The following SENP1 variants were observed in gnomAD, a reference collection of about 807,000 sequenced individuals.
The protein encoded by SENP1 is SUMO specific peptidase 1.
A neutral mutation model predicts 93.0 loss-of-function variants in SENP1; 21 were observed. The ratio of observed to expected loss-of-function variants is 0.23; its 90% CI spans 0.16 to 0.33. The LOEUF (loss-of-function observed/expected upper bound fraction) is 0.33, where lower values mean the gene tolerates loss of function less well. Ranked by LOEUF, SENP1 falls within the 10% of genes least tolerant of loss-of-function variation. The probability of loss-of-function intolerance (pLI) is 1.00; values close to 1 mark genes in which losing one functional copy is unlikely to be tolerated. For missense variants in SENP1, 591 were observed against 758.7 expected (o/e 0.78, Z 2.60); for synonymous variants, 256 against 259.6 (o/e 0.99, Z 0.13).
intron 13 of SENP1, among the ~76,000 whole-genome samples, chr12:48,051,922 G>A (rs776572542): frequency 1.3e-5 from 2 of 152,178 alleles, no homozygotes; most frequent in African/African-American, 2.4e-5. Context: ...GTCAACATTA[G>A]TCCACCTGTC....
At chr12:48,084,070 A>G (rs1490753638) in intron 5 of SENP1, among the ~76,000 whole-genome samples, 1 of 152,246 alleles carries the variant, frequency 6.6e-6, no homozygotes, top group Non-Finnish European at 1.5e-5. Flanking sequence ...AAAGCATAAC[A>G]GATTAGATGT....
intron 1 of SENP1, among the ~76,000 whole-genome samples, chr12:48,104,405 G>A (rs1946292888): frequency 6.6e-6 from 1 of 151,924 alleles, no homozygotes; most frequent in South Asian, 2.1e-4. Context: ...TCCAAGTTCT[G>A]AAAAACAATT....
chr12:48,065,242 T>TA, intron 11 of SENP1, 22 bp from the exon 12 acceptor site: 1 of 1,538,080 alleles, frequency 6.5e-7, no homozygotes, highest in Non-Finnish European at 8.8e-7. Context: ...AACTTCAGAG[T>TA]AAGTGGGATA....
At position 48,057,113 on chromosome 12, in the gene SENP1, T is replaced by TA. The variant is rs1004591282; in HGVS notation, c.1407+6596dup. Among the ~76,000 whole-genome samples the TA allele has an allele frequency of 1.6e-4, 15 of 94,010 alleles. 1 individual carries two copies. Among genetic ancestry groups the TA allele is most frequent in the Non-Finnish European group, 7.3e-5 (4 of 54,998 alleles). 61.7% of individuals were successfully genotyped at this position (94,010 alleles called of 152,430 possible). Reference sequence around the variant, plus strand: ...ACATATATAAATATATTATTTAATATATTATATATTACATATATAAATATA... The same window carrying TA: ...ACATATATAAATATATTATTTAATATAATTATATATTACATATATAAATATA... On this transcript the variant is annotated intron_variant, in intron 13 of 17. Coordinates refer to ENST00000549518, the MANE Select transcript of SENP1 (RefSeq NM_001267594.2).
chr12:48,097,782 G>A (rs1945660489), intron 3 of SENP1: 3 of 429,406 alleles, frequency 7.0e-6, no homozygotes, highest in East Asian at 7.6e-5. Flanking sequence ...AAAACGTACT[G>A]TTCTCAAAGA....
In SENP1 at chr12:48,098,025, G is replaced by A. The variant is rs1945676480; in HGVS notation, c.104C>T (p.Pro35Leu). The change falls in exon 3 of 18, where the codon CCA becomes CTA. Residue 35 changes from proline (P) to leucine (L), a missense_variant. Pro to Leu is a moderately conservative substitution (Grantham distance 98). This residue lies in a region of SENP1 where 214 missense variants were observed against 243.4 expected (regional missense o/e 0.88). Coordinates refer to ENST00000549518, the MANE Select transcript of SENP1 (RefSeq NM_001267594.2). The stretch of plus-strand genomic sequence containing the variant: ...GTCAGAAAGCGAAAGCTGGTCCTCT[G>A]GAAAACCTGTTTGTGGCAGGAGGTG... ...KTHLLPQTGFPEDQLSLSDQQ... is the reference protein window; with the variant it reads ...KTHLLPQTGFLEDQLSLSDQQ... 4 of 1,613,776 alleles carry A rather than the reference G, an allele frequency of 2.5e-6. No homozygotes were observed. Among genetic ancestry groups the A allele is most frequent in the East Asian group, 2.2e-5 (1 of 44,874 alleles).
chr12:48,074,220 T>C (rs1274838715), intron 8 of SENP1, 104 bp downstream of exon 8: 4 of 977,258 alleles, frequency 4.1e-6, no homozygotes, highest in Non-Finnish European at 4.6e-6. Context: ...AGATTCGGTA[T>C]GCTCATTTAT....
chr12:48,071,788 A>G, intron 8 of SENP1, 67 bp from the exon 9 acceptor site: 1 of 1,053,996 alleles, frequency 9.5e-7, no homozygotes, highest in Non-Finnish European at 1.4e-6. Flanking sequence ...TAGATATCTT[A>G]GTTTAAGTTC....
intron 11 of SENP1, among the ~76,000 whole-genome samples, 155 bp from the exon 12 acceptor site, chr12:48,065,375 G>A (rs1943230304): frequency 6.6e-6 from 1 of 152,174 alleles, no homozygotes; most frequent in Non-Finnish European, 1.5e-5. Flanking sequence ...AAAATCATTA[G>A]TCGAACCATC....
In SENP1 at chr12:48,044,312, C is replaced by T. The variant is rs1368194093; in HGVS notation, c.*1010G>A. ...CTACAGGCTAAATGGTGAACACATTCAGTCTTTAAAAAAAAAAGCATATCC... is the reference window on the plus strand; with the variant it reads ...CTACAGGCTAAATGGTGAACACATTTAGTCTTTAAAAAAAAAAGCATATCC... On this transcript the variant is annotated 3_prime_UTR_variant, in exon 18 of 18. Transcript: ENST00000549518. 6.8e-6 allele frequency: 1 copy of T among 147,916 alleles called. No homozygotes were observed. 9.2% of individuals were successfully genotyped at this position (147,916 alleles called of 1,614,324 possible).
rs901949438 is a variant in SENP1, at chr12:48,074,233, A to T, written c.940+91T>A. 1.1e-5 allele frequency: 12 copies of T among 1,062,942 alleles called. No individual in the cohort carries two copies. In the African/African-American group the frequency reaches 1.6e-4, roughly 14 times the overall value. The allele number at this position is 1,062,942 out of a possible 1,614,324, so 65.8% of individuals were successfully genotyped here. ...TCAGATTCGGTATGCTCATTTATTTATATGTATATTACAATGTTGCCTGTA... is the reference window on the plus strand; with the variant it reads ...TCAGATTCGGTATGCTCATTTATTTTTATGTATATTACAATGTTGCCTGTA... On this transcript the variant is annotated intron_variant, in intron 8 of 17. Transcript: ENST00000549518.
chr12:48,086,335 T>C (rs1480364607), intron 5 of SENP1, among the ~76,000 whole-genome samples: 1 of 152,168 alleles, frequency 6.6e-6, no homozygotes, highest in African/African-American at 2.4e-5. Context: ...GTGATAAAAT[T>C]AGAAAAATAT....
chr12:48,053,632 T>G (rs976764239), intron 13 of SENP1, among the ~76,000 whole-genome samples: 1 of 152,202 alleles, frequency 6.6e-6, no homozygotes, highest in African/African-American at 2.4e-5. Flanking sequence ...ATATGCTCTC[T>G]ACACACCAGG....
chr12:48,046,401 T>C lies in SENP1; in HGVS notation c.1827A>G (p.Lys609=), dbSNP rs1167967213. 1.2e-6 allele frequency: 2 copies of C among 1,613,308 alleles called. No individual in the cohort carries two copies. Among genetic ancestry groups the C allele is most frequent in the South Asian group, 1.1e-5 (1 of 91,056 alleles). The change falls in exon 17 of 18, where the codon AAA becomes AAG. Residue 609 remains lysine (K), a synonymous_variant. Transcript: ENST00000549518. Reference sequence around the variant, plus strand: ...TGTCTTTGGTAATACAGTCAGCATATTTGCAGGCAAACATCCCACAGTCAC... The same window carrying C: ...TGTCTTTGGTAATACAGTCAGCATACTTGCAGGCAAACATCCCACAGTCAC... ...NGSDCGMFAC[K]YADCITKDRP...
rs1941210581 is a variant in SENP1, at chr12:48,044,372, A to ATG, written c.*949_*950insCA. ...TTTATACATACATATATATATATAT[A>ATG]TATGTATGTGTATATATATATGTAT... On this transcript the variant is annotated 3_prime_UTR_variant, in exon 18 of 18. Coordinates refer to ENST00000549518, the MANE Select transcript of SENP1 (RefSeq NM_001267594.2). The ATG allele has an allele frequency of 6.7e-6, 1 of 148,652 alleles. No individual in the cohort carries two copies. Among genetic ancestry groups the ATG allele is most frequent in the Non-Finnish European group, 1.5e-5 (1 of 67,260 alleles). 9.2% of individuals were successfully genotyped at this position (148,652 alleles called of 1,614,324 possible). A position where few individuals can be genotyped will look rare whatever the true frequency, so the allele number is the denominator to read the frequency against.
In SENP1 at chr12:48,083,671, G is replaced by C; in HGVS notation, c.472C>G (p.Pro158Ala). ...KSFPIKPVPS[P>A]SWSGSCRRSL... is the part of the protein sequence containing the mutation. ...CGACGACATGAACCACTCCAAGATG[G>C]ACTTGGAACAGGTTTAATAGGAAAA... Residue 158 changes from proline (P) to alanine (A), a missense_variant, in exon 6 of 18, where the codon CCA (proline) becomes GCA (alanine). Physicochemically the swap from Pro to Ala is conservative, Grantham distance 27. This residue lies in a region of SENP1 where 214 missense variants were observed against 243.4 expected (regional missense o/e 0.88). Transcript: ENST00000549518. The C allele has an allele frequency of 6.2e-7, 1 of 1,612,386 alleles. No individual in the cohort carries two copies. Among genetic ancestry groups the C allele is most frequent in the African/African-American group, 1.3e-5 (1 of 75,002 alleles).
At chr12:48,081,570 G>GTTTTTTTTTTT (rs397962697) in intron 6 of SENP1, 1 of 119,334 alleles carries the variant, frequency 8.4e-6, no homozygotes. Context: ...GTGTTTTTTC[G>GTTTTTTTTTTT]TTTTTTTTTT....
intron 16 of SENP1, 64 bp from the exon 17 acceptor site, chr12:48,046,515 T>C: frequency 8.8e-7 from 1 of 1,140,328 alleles, no homozygotes; most frequent in Non-Finnish European, 1.3e-6. Flanking sequence ...AGATTAAAAA[T>C]AAGAACCAAA....
chr12:48,099,635 C>T (rs1378726112), intron 2 of SENP1, among the ~76,000 whole-genome samples: 1 of 152,146 alleles, frequency 6.6e-6, no homozygotes, highest in Non-Finnish European at 1.5e-5. Flanking sequence ...GCCTGGCTAA[C>T]ATGGCAAAAC....
Sources: allele counts gnomAD v4.1 joint callset (sites outside exome capture counted in the v4.1 genomes callset), GRCh38; gene constraint gnomAD v4.1.1; regional missense constraint gnomAD v4.1.1; transcripts MANE v1.5; gene names NCBI Gene and HGNC (gene_info 2026-07-23, HGNC 2026-07-21).